SLC9A7: variants seen among roughly 807,000 people sequenced by gnomAD.
The protein encoded by SLC9A7 is sodium/hydrogen exchanger 7.
In SLC9A7, 19 loss-of-function variants were observed where a neutral mutation model predicts 52.6. The observed-to-expected ratio is 0.36, with a 90% CI of 0.25 to 0.53. SLC9A7 has a LOEUF of 0.53. Ranked by LOEUF, SLC9A7 falls within the 20% of genes least tolerant of loss-of-function variation. The pLI is 0.91. For missense variants in SLC9A7, 455 were observed against 597.9 expected (o/e 0.76, Z 2.49); for synonymous variants, 226 against 252.1 (o/e 0.90, Z 0.98).
At chrX:46,608,946 G>A (rs1381261009) in intron 16 of SLC9A7, among the ~76,000 whole-genome samples, 2 of 110,752 alleles carry the variant, frequency 1.8e-5, no homozygotes, top group Middle Eastern at 4.2e-3. Context: ...ACACCCAGCC[G>A]GTAGCTTATG....
At chrX:46,632,187 C>A (rs1943233222) in intron 13 of SLC9A7, among the ~76,000 whole-genome samples, 1 of 112,034 alleles carries the variant, frequency 8.9e-6, no homozygotes, top group African/African-American at 3.3e-5. Flanking sequence ...ACCCATCTTA[C>A]TTTTTCTTTG....
At chrX:46,622,512 A>G (rs372549746) in intron 14 of SLC9A7, among the ~76,000 whole-genome samples, 47 of 112,003 alleles carry the variant, frequency 4.2e-4, no homozygotes, top group African/African-American at 1.5e-3. Flanking sequence ...AAGCCAGCAC[A>G]ACGATAAACA....
chrX:46,707,340 G>C (rs1433187762), intron 1 of SLC9A7, among the ~76,000 whole-genome samples: 2 of 112,240 alleles, frequency 1.8e-5, no homozygotes, highest in Non-Finnish European at 3.8e-5. Context: ...TTAAGGATCT[G>C]ACTAGTAAGT....
At position 46,758,969 on chromosome X, in the gene SLC9A7, G is replaced by C; in HGVS notation, c.61C>G (p.Arg21Gly). ...SGRATGAPPPRLLLLPLLLGW... is the reference protein window; with the variant it reads ...SGRATGAPPPGLLLLPLLLGW... ...AGCAGCAGCGGCAGCAGCAGCAGCC[G>C]CGGCGGCGGCGCCCCGGTAGCCCGA... Residue 21 changes from arginine to glycine, a missense_variant, in exon 1 of 17, where the codon CGG (arginine) becomes GGG (glycine). By Grantham distance (125) the Arg-to-Gly change is moderately radical. Transcript: ENST00000616978. 1 of 1,043,626 alleles carries C rather than the reference G, an allele frequency of 9.6e-7. No homozygotes were observed. The highest frequency in any genetic ancestry group is 1.2e-6 in the Non-Finnish European group (1 of 819,489). 86.0% of individuals were successfully genotyped at this position (1,043,626 alleles called of 1,213,427 possible). A position where few individuals can be genotyped will look rare whatever the true frequency, so the allele number is the denominator to read the frequency against.
chrX:46,690,455 T>A (rs886244740), intron 1 of SLC9A7, among the ~76,000 whole-genome samples: 1 of 112,313 alleles, frequency 8.9e-6, no homozygotes, highest in Non-Finnish European at 1.9e-5. Context: ...GGGTTCCTTA[T>A]ATATTCTGGG....
intron 1 of SLC9A7, among the ~76,000 whole-genome samples, chrX:46,733,434 C>T (rs1237286231): frequency 9.0e-6 from 1 of 111,623 alleles, no homozygotes; most frequent in Non-Finnish European, 1.9e-5. Context: ...AAATTAAGAG[C>T]ACTGGAAAAT....
intron 14 of SLC9A7, among the ~76,000 whole-genome samples, chrX:46,628,088 G>A (rs768219719): frequency 3.6e-5 from 4 of 112,228 alleles, no homozygotes; most frequent in Middle Eastern, 4.2e-3. Context: ...ATTAATATCC[G>A]GCTTGTGACC....
In SLC9A7 at chrX:46,604,958, A is replaced by T. The variant is rs1255083829; in HGVS notation, c.*1994T>A. 2 of 111,521 alleles carry T rather than the reference A, an allele frequency of 1.8e-5. No individual in the cohort carries two copies. Among genetic ancestry groups the T allele is most frequent in the Non-Finnish European group, 3.8e-5 (2 of 53,137 alleles). The allele number at this position is 111,521 out of a possible 1,213,427, so 9.2% of individuals were successfully genotyped here. Reference sequence around the variant, plus strand: ...ACTGATTTCACTACGGGTGGACTAGACTGGGACACAATATTTTGTCTTCCA... The same window carrying T: ...ACTGATTTCACTACGGGTGGACTAGTCTGGGACACAATATTTTGTCTTCCA... On this transcript the variant is annotated 3_prime_UTR_variant, in exon 17 of 17. Transcript: ENST00000616978.
intron 1 of SLC9A7, among the ~76,000 whole-genome samples, chrX:46,710,897 C>T: frequency 8.9e-6 from 1 of 112,525 alleles, no homozygotes; most frequent in South Asian, 3.7e-4. Context: ...AAAAAAAATG[C>T]TCTGCTCAGC....
intron 5 of SLC9A7, among the ~76,000 whole-genome samples, chrX:46,667,006 T>C (rs751018738): frequency 8.8e-4 from 99 of 112,147 alleles, no homozygotes; most frequent in Non-Finnish European, 1.3e-3. Flanking sequence ...ATGCTTGGCT[T>C]CAGAGATGAT....
At chrX:46,650,061 GCT>G (rs1434698341) in intron 10 of SLC9A7, among the ~76,000 whole-genome samples, 1 of 112,651 alleles carries the variant, frequency 8.9e-6, no homozygotes, top group Non-Finnish European at 1.9e-5. Context: ...AGCGTAGGAG[GCT>G]CTCACGCTAG....
chrX:46,640,646 CA>C (rs1742414191), intron 12 of SLC9A7, among the ~76,000 whole-genome samples: 1 of 112,067 alleles, frequency 8.9e-6, no homozygotes. Context: ...ATGTATCTGA[CA>C]AAAGACTACA....
At chrX:46,725,559 A>G in intron 1 of SLC9A7, 1 of 973,129 alleles carries the variant, frequency 1.0e-6, no homozygotes, top group Non-Finnish European at 1.5e-6. Context: ...TTCTATGTTG[A>G]ATGACTATTG....
chrX:46,740,526 T>C (rs1343052160), intron 1 of SLC9A7, among the ~76,000 whole-genome samples: 2 of 111,826 alleles, frequency 1.8e-5, no homozygotes, highest in Non-Finnish European at 3.8e-5. Context: ...ATTTGCAGGA[T>C]ACAAAATCAG....
intron 3 of SLC9A7, among the ~76,000 whole-genome samples, chrX:46,677,786 T>C (rs1304948432): frequency 8.9e-6 from 1 of 112,122 alleles, no homozygotes; most frequent in African/African-American, 3.2e-5. Flanking sequence ...TTGTATAAGA[T>C]TGGTATTATT....
chrX:46,738,699 G>A (rs932395324), intron 1 of SLC9A7, among the ~76,000 whole-genome samples: 27 of 109,596 alleles, frequency 2.5e-4, no homozygotes, highest in African/African-American at 8.3e-4. Context: ...GAGCCCAGGA[G>A]GCAAAGGTTG....
chrX:46,610,581 A>G (rs914702337), intron 16 of SLC9A7, among the ~76,000 whole-genome samples: 16 of 111,536 alleles, frequency 1.4e-4, no homozygotes, highest in Non-Finnish European at 7.5e-5. Context: ...AGGCCCCACC[A>G]TGTCTGGAGC....
chrX:46,755,817 G>A (rs1380268518), intron 1 of SLC9A7, among the ~76,000 whole-genome samples: 3 of 65,209 alleles, frequency 4.6e-5, no homozygotes, highest in African/African-American at 8.7e-5. Context: ...GTGAGACTCC[G>A]TCTTGGAAAA....
intron 1 of SLC9A7, among the ~76,000 whole-genome samples, chrX:46,752,733 T>C (rs1556288995): frequency 9.0e-6 from 1 of 110,574 alleles, no homozygotes; most frequent in Non-Finnish European, 1.9e-5. Context: ...ATTTGATGAC[T>C]TGCTTATAAG....
Sources: allele counts gnomAD v4.1 joint callset (sites outside exome capture counted in the v4.1 genomes callset), GRCh38; gene constraint gnomAD v4.1.1; transcripts MANE v1.5; gene names NCBI Gene and HGNC (gene_info 2026-07-23, HGNC 2026-07-21).